CSMD1: variants seen among roughly 807,000 people sequenced by gnomAD.
CSMD1 encodes the protein CUB and Sushi multiple domains 1, also known as CUB and sushi domain-containing protein 1.
In CSMD1, 213 loss-of-function variants were observed where a neutral mutation model predicts 417.5. The observed-to-expected ratio is 0.51, with a 90% CI of 0.46 to 0.57. The LOEUF (loss-of-function observed/expected upper bound fraction) is 0.57. CSMD1 is among the 20% of genes least tolerant of loss of function. The pLI, the probability that CSMD1 is intolerant of heterozygous loss-of-function variation, is 0.00. For missense variants in CSMD1, 6,923 were observed against 4,529.7 expected (o/e 1.53, Z -15.17); for synonymous variants, 2,862 against 1,736.8 (o/e 1.65, Z -16.11).
At chr8:4,008,447 C>A (rs1292774964) in intron 4 of CSMD1, among the ~76,000 whole-genome samples, 3 of 151,446 alleles carry the variant, frequency 2.0e-5, no homozygotes, top group African/African-American at 4.8e-5. Flanking sequence ...AATTTGGTGA[C>A]AGAATTAAAT....
At chr8:4,699,406 T>A (rs1484150251) in intron 1 of CSMD1, among the ~76,000 whole-genome samples, 1 of 152,194 alleles carries the variant, frequency 6.6e-6, no homozygotes, top group African/African-American at 2.4e-5. Context: ...CACTCTATCA[T>A]CTTTTAATGC....
At chr8:3,824,345 T>C (rs577241975) in intron 5 of CSMD1, among the ~76,000 whole-genome samples, 3 of 152,174 alleles carry the variant, frequency 2.0e-5, no homozygotes, top group South Asian at 4.1e-4. Context: ...AGATACTATG[T>C]GCAAAGTTTG....
At chr8:3,668,038 C>A (rs969263236) in intron 7 of CSMD1, among the ~76,000 whole-genome samples, 1 of 152,146 alleles carries the variant, frequency 6.6e-6, no homozygotes, top group African/African-American at 2.4e-5. Context: ...CCCCCAGTCC[C>A]CATCCCAAGG....
chr8:3,739,611 C>G (rs1038988471), intron 6 of CSMD1, among the ~76,000 whole-genome samples: 2 of 152,106 alleles, frequency 1.3e-5, no homozygotes, highest in Non-Finnish European at 2.9e-5. Flanking sequence ...TTAAGTCTCT[C>G]AAAAGGCCTT....
chr8:3,379,553 T>C (rs551214959), intron 18 of CSMD1, among the ~76,000 whole-genome samples: 8 of 152,274 alleles, frequency 5.3e-5, no homozygotes, highest in South Asian at 4.1e-4. Context: ...AGCAGATATA[T>C]AGACCAATGG....
rs565180397 is a variant in CSMD1 at position 2,966,613 on chromosome 8, G to A, written c.9057C>T (p.Cys3019=). The stretch of plus-strand genomic sequence containing the variant: ...TGCCTGTCCAGGTCCCATTGGCTGT[G>A]CAATGCCGTGTCATGAGCCCTGAGG... The part of the protein sequence containing the change: ...YKTSGLMTRH[C]TANGTWTGTA... Residue 3019 remains cysteine (C), a synonymous_variant, in exon 58 of 70, where the codon TGC becomes TGT. Transcript: ENST00000635120. The A allele has an allele frequency of 6.2e-6, 10 of 1,613,574 alleles. No individual in the cohort carries two copies. In the East Asian group the frequency reaches 1.6e-4, roughly 25 times the overall value.
At chr8:3,508,278 C>G (rs534259276) in intron 10 of CSMD1, among the ~76,000 whole-genome samples, 2 of 151,632 alleles carry the variant, frequency 1.3e-5, no homozygotes, top group East Asian at 2.0e-4. Flanking sequence ...TAGATCCTGG[C>G]TCACCTGCGC....
chr8:4,030,781 G>T (rs762681006), intron 4 of CSMD1, among the ~76,000 whole-genome samples: 1 of 152,108 alleles, frequency 6.6e-6, no homozygotes, highest in Non-Finnish European at 1.5e-5. Flanking sequence ...GAACTTTTAT[G>T]CTTTGCTTGC....
intron 1 of CSMD1, among the ~76,000 whole-genome samples, chr8:4,801,754 T>C (rs562475127): frequency 6.6e-6 from 1 of 150,864 alleles, no homozygotes; most frequent in Admixed American, 6.6e-5. Flanking sequence ...ACAGAAACTT[T>C]GTGAGGCAAA....
At position 2,972,546 on chromosome 8, in the gene CSMD1, T is replaced by C. The variant is rs111454109; in HGVS notation, c.8923+571A>G. 2.1e-3 allele frequency among the ~76,000 whole-genome samples: 326 copies of C among 152,310 alleles called. 1 individual carries two copies. The highest frequency in any genetic ancestry group is 7.5e-3 in the African/African-American group (313 of 41,570). On this transcript the variant is annotated intron_variant, in intron 57 of 69. Coordinates refer to ENST00000635120, the MANE Select transcript of CSMD1 (RefSeq NM_033225.6). ...TTTCTGATACACAGTGCAGTGTCTA[T>C]AAGGTGTCCGTGGCTATTCTTACTG... is the stretch of plus-strand genomic sequence containing the variant.
chr8:4,149,302 T>A (rs1007552434), intron 3 of CSMD1, among the ~76,000 whole-genome samples: 1 of 152,182 alleles, frequency 6.6e-6, no homozygotes, highest in African/African-American at 2.4e-5. Flanking sequence ...AAGATAAGCT[T>A]TCACATATTC....
chr8:3,618,418 T>C (rs954798079), intron 7 of CSMD1, among the ~76,000 whole-genome samples: 3 of 152,240 alleles, frequency 2.0e-5, no homozygotes, highest in Admixed American at 6.5e-5. Flanking sequence ...TACTTCACTA[T>C]TCCAAACGGG....
At chr8:3,961,588 G>A (rs147457947) in intron 5 of CSMD1, among the ~76,000 whole-genome samples, 10 of 152,156 alleles carry the variant, frequency 6.6e-5, no homozygotes, top group Non-Finnish European at 1.3e-4. Flanking sequence ...AAAACGCTTT[G>A]AGATCATAAT....
chr8:4,187,420 G>T (rs184958435), intron 3 of CSMD1, among the ~76,000 whole-genome samples: 2 of 152,134 alleles, frequency 1.3e-5, no homozygotes, highest in African/African-American at 4.8e-5. Flanking sequence ...GCCAAGGCAG[G>T]CAGATCACCT....
At chr8:3,749,352 A>G (rs1461571265) in intron 6 of CSMD1, among the ~76,000 whole-genome samples, 1 of 152,220 alleles carries the variant, frequency 6.6e-6, no homozygotes, top group Non-Finnish European at 1.5e-5. Context: ...TTTGTTCACA[A>G]TGTCATTTTA....
chr8:3,836,359 T>C (rs1407252105), intron 5 of CSMD1, among the ~76,000 whole-genome samples: 1 of 152,168 alleles, frequency 6.6e-6, no homozygotes, highest in Non-Finnish European at 1.5e-5. Context: ...ACTAGCTATA[T>C]CCTTGTGGGA....
At chr8:3,128,498 T>C (rs78663984) in intron 41 of CSMD1, 4,937 of 219,092 alleles carry the variant, frequency 0.023, 83 homozygotes, top group Middle Eastern at 0.051. Context: ...ATTCTCTGTA[T>C]GATTTATGCA....
chr8:2,952,734 C>T (rs1257628054), intron 65 of CSMD1, among the ~76,000 whole-genome samples: 1 of 152,164 alleles, frequency 6.6e-6, no homozygotes, highest in Non-Finnish European at 1.5e-5. Flanking sequence ...AGTTACTAAT[C>T]CACTTGTTCA....
At chr8:4,027,761 A>G (rs1468553215) in intron 4 of CSMD1, among the ~76,000 whole-genome samples, 1 of 152,224 alleles carries the variant, frequency 6.6e-6, no homozygotes, top group Admixed American at 6.5e-5. Context: ...AGGGAAATAA[A>G]TAACTAAAAT....
Sources: allele counts gnomAD v4.1 joint callset (sites outside exome capture counted in the v4.1 genomes callset), GRCh38; gene constraint gnomAD v4.1.1; transcripts MANE v1.5; gene names NCBI Gene and HGNC (gene_info 2026-07-23, HGNC 2026-07-21).